The following PM20D1 variants were observed in gnomAD, a reference collection of about 807,000 sequenced individuals.
PM20D1 encodes the protein peptidase M20 domain containing 1, also known as N-fatty-acyl-amino acid synthase/hydrolase PM20D1.
In PM20D1, 53 loss-of-function variants were observed where a neutral mutation model predicts 53.8. The ratio of observed to expected loss-of-function variants is 0.98; its 90% CI spans 0.79 to 1.24. PM20D1 has a LOEUF of 1.24. Ranked by LOEUF, PM20D1 falls within the 50% of genes most tolerant of loss-of-function variation. PM20D1 has a pLI of 0.00. For synonymous variants in PM20D1, 239 were observed against 241.3 expected (o/e 0.99, Z 0.09); for missense variants, 564 against 616.8 (o/e 0.91, Z 0.91).
intron 10 of PM20D1, among the ~76,000 whole-genome samples, chr1:205,837,855 TG>T (rs1421566350): frequency 6.6e-6 from 1 of 151,868 alleles, no homozygotes; most frequent in Non-Finnish European, 1.5e-5. Flanking sequence ...GGAATGAGGC[TG>T]GAAAAAAACT....
Position 205,845,563 on chromosome 1 carries a change from A to G in PM20D1, c.257-6T>C, listed in dbSNP as rs373209714. 25 of 1,609,892 alleles carry G rather than the reference A, an allele frequency of 1.6e-5. 1 individual carries two copies. The African/African-American group carries it at 3.1e-4, about 20-fold the overall frequency. On this transcript the variant is annotated splice_region_variant and splice_polypyrimidine_tract_variant and intron_variant, in intron 2 of 12. Coordinates refer to ENST00000367136, the MANE Select transcript of PM20D1 (RefSeq NM_152491.5). Reference sequence around the variant, plus strand: ...GCTGACCACTGTAGGAAAGACTAGAAGCAAAAAGGGCAGGAAGAGAGAACC... The same window carrying G: ...GCTGACCACTGTAGGAAAGACTAGAGGCAAAAAGGGCAGGAAGAGAGAACC...
In PM20D1 at chr1:205,840,308, G is replaced by T. The variant is rs752874170; in HGVS notation, c.1060C>A (p.Pro354Thr). The T allele has an allele frequency of 3.7e-6, 6 of 1,613,928 alleles. No homozygotes were observed. In the East Asian group the frequency reaches 6.7e-5, roughly 18 times the overall value. ...KAGVKFNVIP[P>T]VAQATVNFRI... is the part of the protein sequence containing the mutation. ...AAGTTGACTGTGGCCTGGGCCACTG[G>T]GGGGATGACATTGAACTAGAGAGAG... Residue 354 changes from proline to threonine, a missense_variant, in exon 10 of 13, where the codon CCA (proline) becomes ACA (threonine). Coordinates refer to ENST00000367136, the MANE Select transcript of PM20D1 (RefSeq NM_152491.5).
At chr1:205,847,687 C>T (rs529381237) in intron 2 of PM20D1, among the ~76,000 whole-genome samples, 198 bp downstream of exon 2, 1 of 152,028 alleles carries the variant, frequency 6.6e-6, no homozygotes, top group African/African-American at 2.4e-5. Flanking sequence ...AATGCAATGG[C>T]TGGATGAACT....
chr1:205,850,092 T>C lies in PM20D1; in HGVS notation c.-20A>G. ...AGCCATGCTTCTCTCGAGCTCCTGCTGTCAGGCTACCGGGGTAGTTCTGAC... is the reference window on the plus strand; with the variant it reads ...AGCCATGCTTCTCTCGAGCTCCTGCCGTCAGGCTACCGGGGTAGTTCTGAC... On this transcript the variant is annotated 5_prime_UTR_variant, in exon 1 of 13. Transcript: ENST00000367136. The C allele has an allele frequency of 1.2e-6, 2 of 1,607,754 alleles. No individual in the cohort carries two copies. Among genetic ancestry groups the C allele is most frequent in the African/African-American group, 2.7e-5 (2 of 74,952 alleles).
chr1:205,845,750 T>C (rs1309467221), intron 2 of PM20D1, among the ~76,000 whole-genome samples, 193 bp from the exon 3 acceptor site: 1 of 152,194 alleles, frequency 6.6e-6, no homozygotes, highest in African/African-American at 2.4e-5. Flanking sequence ...CTTCCCCATA[T>C]TTCAATGTGC....
At chr1:205,846,477 G>C (rs978425066) in intron 2 of PM20D1, among the ~76,000 whole-genome samples, 3 of 152,180 alleles carry the variant, frequency 2.0e-5, no homozygotes, top group Non-Finnish European at 4.4e-5. Flanking sequence ...GTGTTAAAGG[G>C]CTATGCAGAT....
rs751404132 is a variant in PM20D1, at chr1:205,844,211, C to G, written c.583G>C (p.Gly195Arg). 2 of 1,609,894 alleles carry G rather than the reference C, an allele frequency of 1.2e-6. No individual in the cohort carries two copies. Among genetic ancestry groups the G allele is most frequent in the South Asian group, 1.1e-5 (1 of 90,666 alleles). Residue 195 changes from glycine (G) to arginine (R), a missense_variant, in exon 5 of 13, where the codon GGG becomes CGG. Physicochemically the swap from Gly to Arg is moderately radical, Grantham distance 125. Coordinates refer to ENST00000367136, the MANE Select transcript of PM20D1 (RefSeq NM_152491.5). ...GCTGAGATCCTCTGAGCCCCTGTCC[C>G]TGATGACTGCAGACATGGAACATAG... ...ISLGHDEESS[G>R]TGAQRISALL...
In PM20D1 at chr1:205,843,654, A is replaced by T. The variant is rs1171923955; in HGVS notation, c.827+13T>A. 1.2e-6 allele frequency: 2 copies of T among 1,612,370 alleles called. No homozygotes were observed. Among genetic ancestry groups the T allele is most frequent in the South Asian group, 2.2e-5 (2 of 90,770 alleles). ...TCAAGTCTGGCATGGGAACAGGGCC[A>T]GGAGTTGCTTACCGGCTGACAGCAG... On this transcript the variant is annotated intron_variant, in intron 6 of 12. Transcript: ENST00000367136.
In PM20D1 at chr1:205,849,925, C is replaced by T. The variant is rs934616543; in HGVS notation, c.148G>A (p.Ala50Thr). The part of the protein sequence containing the change: ...PSQFSKEERV[A>T]MKEALKGAIQ... ...TCACCTTTCAGCGCCTCTTTCATCG[C>T]GACGCGTTCCTCTTTGCTGAACTGA... Residue 50 changes from alanine (A) to threonine (T), a missense_variant, in exon 1 of 13, where the codon GCG (alanine) becomes ACG (threonine). Ala to Thr is a moderately conservative substitution (Grantham distance 58). Transcript: ENST00000367136. The T allele has an allele frequency of 1.2e-5, 20 of 1,612,944 alleles. No individual in the cohort carries two copies. Among genetic ancestry groups the T allele is most frequent in the South Asian group, 2.2e-5 (2 of 91,000 alleles).
chr1:205,846,686 G>C (rs1463839703), intron 2 of PM20D1, among the ~76,000 whole-genome samples: 1 of 152,148 alleles, frequency 6.6e-6, no homozygotes, highest in African/African-American at 2.4e-5. Flanking sequence ...TTTAGCACAA[G>C]GTCGTACTTC....
In PM20D1 at chr1:205,840,240, T is replaced by C. The variant is rs1656776532; in HGVS notation, c.1116+12A>G. 1 of 1,609,942 alleles carries C rather than the reference T, an allele frequency of 6.2e-7. No homozygotes were observed. The highest frequency in any genetic ancestry group is 8.5e-7 in the Non-Finnish European group (1 of 1,177,282). On this transcript the variant is annotated intron_variant, in intron 10 of 12. Transcript: ENST00000367136. ...GCTGCATGAGTTGTTGTCTGGAACA[T>C]ATGGTACATACCTCTTGGACTGTCT...
At chr1:205,842,808 T>C in intron 6 of PM20D1, 57 bp from the exon 7 acceptor site, 1 of 1,530,348 alleles carries the variant, frequency 6.5e-7, no homozygotes, top group Non-Finnish European at 9.0e-7. Context: ...GATCAGTGGC[T>C]TGAAGAGGAG....
rs758543763 is a variant in PM20D1, at chr1:205,844,866, A to G, written c.521T>C (p.Ile174Thr). 2.5e-6 allele frequency: 4 copies of G among 1,613,854 alleles called. No individual in the cohort carries two copies. The highest frequency in any genetic ancestry group is 2.2e-5 in the South Asian group (2 of 91,082). Reference sequence around the variant, plus strand: ...AGATCTTCGGGGGATGTACTTCCTGATCAGCAGGAGCTCCAAGGCCTGCAG... The same window carrying G: ...AGATCTTCGGGGGATGTACTTCCTGGTCAGCAGGAGCTCCAAGGCCTGCAG... ...ALLQALELLL[I>T]RKYIPRRSFF... Residue 174 changes from isoleucine (I) to threonine (T), a missense_variant, in exon 4 of 13, where the codon ATC becomes ACC. Coordinates refer to ENST00000367136, the MANE Select transcript of PM20D1 (RefSeq NM_152491.5).
chr1:205,846,490 G>A (rs147406747), intron 2 of PM20D1, among the ~76,000 whole-genome samples: 1,595 of 152,258 alleles, frequency 0.01, 28 homozygotes, highest in African/African-American at 0.035. Flanking sequence ...ATGCAGATGA[G>A]GGATGCATTA....
At chr1:205,841,653 T>A (rs1399350930) in intron 9 of PM20D1, among the ~76,000 whole-genome samples, 158 bp downstream of exon 9, 1 of 151,990 alleles carries the variant, frequency 6.6e-6, no homozygotes, top group Non-Finnish European at 1.5e-5. Context: ...ATGGTCTAAC[T>A]CCCTTCAAGA....
chr1:205,846,232 A>G (rs1656955201), intron 2 of PM20D1, among the ~76,000 whole-genome samples: 1 of 152,270 alleles, frequency 6.6e-6, no homozygotes, highest in Non-Finnish European at 1.5e-5. Flanking sequence ...CTAAAAATAC[A>G]AAAAACAGCT....
chr1:205,840,327 G>C lies in PM20D1; in HGVS notation c.1045-4C>G. On this transcript the variant is annotated splice_polypyrimidine_tract_variant and splice_region_variant and intron_variant, in intron 9 of 12. Transcript: ENST00000367136. ...CCACTGGGGGGATGACATTGAACTA[G>C]AGAGAGAAGCACAAAACCCTGGCTT... The C allele has an allele frequency of 3.1e-6, 5 of 1,613,130 alleles. No individual in the cohort carries two copies. Among genetic ancestry groups the C allele is most frequent in the Non-Finnish European group, 4.2e-6 (5 of 1,179,394 alleles).
At chr1:205,832,382 C>T (rs1295845676) in intron 11 of PM20D1, among the ~76,000 whole-genome samples, 1 of 152,120 alleles carries the variant, frequency 6.6e-6, no homozygotes, top group Non-Finnish European at 1.5e-5. Flanking sequence ...AAGCAAGGAC[C>T]CAGGCTTGAC....
chr1:205,847,552 A>G (rs2102532485), intron 2 of PM20D1, among the ~76,000 whole-genome samples: 1 of 142,804 alleles, frequency 7.0e-6, no homozygotes, highest in African/African-American at 2.6e-5. Flanking sequence ...TAGGGGTGGG[A>G]GGAGCATGGA....
Sources: gnomAD v4.1 joint callset for allele counts (sites outside exome capture counted in the v4.1 genomes callset) on GRCh38, gnomAD v4.1.1 for gene constraint, MANE v1.5 for transcripts, NCBI Gene and HGNC (gene_info 2026-07-23, HGNC 2026-07-21) for gene names.